The following ECT2 variants were observed in gnomAD, a reference collection of about 807,000 sequenced individuals.
The protein encoded by ECT2 is protein ECT2.
A neutral mutation model predicts 116.9 loss-of-function variants in ECT2; 61 were observed. The ratio of observed to expected loss-of-function variants is 0.52; its 90% CI spans 0.42 to 0.65. The LOEUF (loss-of-function observed/expected upper bound fraction) is 0.65, where lower values mean the gene tolerates loss of function less well. ECT2 is among the 30% of genes least tolerant of loss of function. The pLI is 0.00. For missense variants in ECT2, 937 were observed against 1,078.7 expected (o/e 0.87, Z 1.84); for synonymous variants, 358 against 346.4 (o/e 1.03, Z -0.37).
chr3:172,824,636 A>G (rs1468957952), downstream of ECT2, among the ~76,000 whole-genome samples: 4 of 152,242 alleles, frequency 2.6e-5, no homozygotes, highest in Non-Finnish European at 5.9e-5. Flanking sequence ...AAAAATTGGC[A>G]TATAATAATT....
chr3:172,815,740 A>T (rs1729582138), intron 23 of ECT2, 29 bp downstream of exon 23: 1 of 1,305,464 alleles, frequency 7.7e-7, no homozygotes, highest in Non-Finnish European at 1.1e-6. Context: ...ATTATTTAGC[A>T]CATCTCTAAC....
intron 4 of ECT2, 119 bp from the exon 5 acceptor site, chr3:172,756,864 C>A: frequency 1.2e-6 from 1 of 859,876 alleles, no homozygotes; most frequent in Non-Finnish European, 1.7e-6. Flanking sequence ...AACTTATTTT[C>A]TACAAATATA....
intron 14 of ECT2, among the ~76,000 whole-genome samples, chr3:172,779,575 G>A (rs1202276585): frequency 2.0e-5 from 3 of 152,042 alleles, no homozygotes; most frequent in African/African-American, 4.8e-5. Flanking sequence ...CTTTACTGAG[G>A]TACATCTTAC....
At chr3:172,828,946 T>C in the ECT2 span, 1 of 1,447,772 alleles carries the variant, frequency 6.9e-7, no homozygotes. Context: ...CCACACCAAC[T>C]GTGGCTGCCT....
At chr3:172,808,719 C>A (rs1458561398) in intron 22 of ECT2, among the ~76,000 whole-genome samples, 1 of 152,092 alleles carries the variant, frequency 6.6e-6, no homozygotes, top group Non-Finnish European at 1.5e-5. Context: ...TGACCCTTTT[C>A]GGTACAATGG....
At chr3:172,760,749 C>CCTAAG (rs1718117659) in intron 7 of ECT2, among the ~76,000 whole-genome samples, 2 of 108,134 alleles carry the variant, frequency 1.8e-5, no homozygotes, top group Non-Finnish European at 3.4e-5. Context: ...GAGACTGAGT[C>CCTAAG]TCTCTCTGTC....
chr3:172,807,181 T>A (rs1727919175), intron 21 of ECT2, among the ~76,000 whole-genome samples: 1 of 152,202 alleles, frequency 6.6e-6, no homozygotes, highest in South Asian at 2.1e-4. Flanking sequence ...CATTTCTAGG[T>A]TACTTATAGT....
chr3:172,808,140 C>A (rs1022583918), intron 22 of ECT2, among the ~76,000 whole-genome samples: 3 of 152,034 alleles, frequency 2.0e-5, no homozygotes, highest in Non-Finnish European at 4.4e-5. Context: ...ATAAGGTAGG[C>A]CCTCATAGTC....
intron 14 of ECT2, 82 bp downstream of exon 14, chr3:172,774,104 G>GGTA: frequency 7.2e-7 from 1 of 1,397,816 alleles, no homozygotes; most frequent in South Asian, 1.3e-5. Flanking sequence ...CTTCTGGTTA[G>GGTA]CTAAATAAGT....
intron 18 of ECT2, among the ~76,000 whole-genome samples, chr3:172,798,516 G>C (rs184746660): frequency 5.9e-4 from 90 of 151,984 alleles, no homozygotes; most frequent in African/African-American, 2.1e-3. Context: ...ACTACTAATC[G>C]AGATCAAGCA....
intron 12 of ECT2, among the ~76,000 whole-genome samples, chr3:172,766,845 G>T (rs1719489851): frequency 6.6e-6 from 1 of 152,178 alleles, no homozygotes; most frequent in African/African-American, 2.4e-5. Context: ...CAATAGCATG[G>T]GATGGTAAGA....
At chr3:172,815,207 G>T (rs1190535939) in intron 22 of ECT2, among the ~76,000 whole-genome samples, 2 of 152,174 alleles carry the variant, frequency 1.3e-5, no homozygotes, top group African/African-American at 4.8e-5. Context: ...GCTGATTGAG[G>T]ACAAAAGGGT....
intron 18 of ECT2, among the ~76,000 whole-genome samples, chr3:172,788,472 T>C (rs1724010337): frequency 6.6e-6 from 1 of 152,200 alleles, no homozygotes; most frequent in African/African-American, 2.4e-5. Context: ...AGAACATTTC[T>C]GTCACCCCCA....
chr3:172,787,914 A>G (rs1481120090), intron 18 of ECT2, among the ~76,000 whole-genome samples: 3 of 152,224 alleles, frequency 2.0e-5, no homozygotes, highest in African/African-American at 7.2e-5. Flanking sequence ...TAGATTAGTC[A>G]TTTGACCTGT....
chr3:172,826,366 T>C (rs1730843565), downstream of ECT2, among the ~76,000 whole-genome samples: 1 of 152,246 alleles, frequency 6.6e-6, no homozygotes. Context: ...TTGCTTGTGC[T>C]CTATAAATGG....
chr3:172,818,558 C>T (rs1204435660), intron 24 of ECT2: 1 of 1,278,204 alleles, frequency 7.8e-7, no homozygotes, highest in East Asian at 5.6e-5. Context: ...ATTACCCATT[C>T]TGTTTCCACA....
At chr3:172,811,206 G>A (rs906225334) in intron 22 of ECT2, among the ~76,000 whole-genome samples, 5 of 151,764 alleles carry the variant, frequency 3.3e-5, no homozygotes, top group East Asian at 3.8e-4. Context: ...TTTTGTCTTC[G>A]TTGTTTGTTT....
At chr3:172,784,490 A>G (rs1433681244) in intron 16 of ECT2, among the ~76,000 whole-genome samples, 2 of 151,946 alleles carry the variant, frequency 1.3e-5, no homozygotes, top group Non-Finnish European at 2.9e-5. Flanking sequence ...GTGTAGAGGA[A>G]CTCACTTTTT....
intron 12 of ECT2, among the ~76,000 whole-genome samples, chr3:172,765,551 C>T (rs1045419275): frequency 1.3e-5 from 2 of 152,110 alleles, no homozygotes; most frequent in Non-Finnish European, 2.9e-5. Flanking sequence ...TCCTCTGTTC[C>T]TTTGCTCCTC....
Sources: allele counts gnomAD v4.1 joint callset (sites outside exome capture counted in the v4.1 genomes callset), GRCh38; gene constraint gnomAD v4.1.1; transcripts MANE v1.5; gene names NCBI Gene and HGNC (gene_info 2026-07-23, HGNC 2026-07-21).